The following RBFOX1 variants were observed in gnomAD, a reference collection of about 807,000 sequenced individuals.
RBFOX1 encodes the protein RNA binding fox-1 homolog 1.
Under a neutral mutation model 57.7 loss-of-function variants are expected in RBFOX1, and 8 were observed. That is an observed-to-expected ratio of 0.14 (90% CI 0.08 to 0.25). RBFOX1 has a LOEUF of 0.25. Among genes scored for constraint, RBFOX1 ranks in the 10% least tolerant of loss-of-function variants. RBFOX1 has a pLI of 1.00. For missense variants in RBFOX1, 611 were observed against 548.5 expected (o/e 1.11, Z -1.14); for synonymous variants, 326 against 222.4 (o/e 1.47, Z -4.15).
chr16:7,476,079 C>G (rs186794179), intron 4 of RBFOX1, among the ~76,000 whole-genome samples: 2 of 152,194 alleles, frequency 1.3e-5, no homozygotes, highest in Non-Finnish European at 2.9e-5. Context: ...GATCCTCCCA[C>G]CTCAGCATCC....
intron 2 of RBFOX1, among the ~76,000 whole-genome samples, chr16:6,548,590 C>T (rs1022678100): frequency 6.6e-6 from 1 of 152,102 alleles, no homozygotes; most frequent in African/African-American, 2.4e-5. Context: ...ACAAATAAAA[C>T]ACGAATAAAC....
intron 4 of RBFOX1, among the ~76,000 whole-genome samples, chr16:7,294,951 T>A (rs1300531448): frequency 6.6e-6 from 1 of 152,214 alleles, no homozygotes; most frequent in African/African-American, 2.4e-5. Flanking sequence ...GCCCTCAGTT[T>A]CTTCTTATGT....
chr16:6,963,432 G>A (rs543355492), intron 3 of RBFOX1, among the ~76,000 whole-genome samples: 1 of 152,102 alleles, frequency 6.6e-6, no homozygotes, highest in African/African-American at 2.4e-5. Context: ...TCTACCAAAT[G>A]GTTGGTGACA....
chr16:7,161,065 G>C (rs2078226702), intron 4 of RBFOX1, among the ~76,000 whole-genome samples: 1 of 151,758 alleles, frequency 6.6e-6, no homozygotes, highest in Non-Finnish European at 1.5e-5. Flanking sequence ...CAGCTACCCA[G>C]ATGACTACCT....
intron 1 of RBFOX1, among the ~76,000 whole-genome samples, chr16:5,322,693 C>T (rs1031365584): frequency 1.3e-5 from 2 of 152,172 alleles, no homozygotes; most frequent in Admixed American, 6.5e-5. Flanking sequence ...GACACCTCCC[C>T]CAGTAATCTC....
At chr16:6,185,142 C>G (rs1378506813) in intron 1 of RBFOX1, among the ~76,000 whole-genome samples, 3 of 152,132 alleles carry the variant, frequency 2.0e-5, no homozygotes, top group Admixed American at 6.5e-5. Flanking sequence ...CACCTTTAGA[C>G]AGGACCAGCT....
At chr16:6,314,424 C>T (rs1015238386) in intron 1 of RBFOX1, among the ~76,000 whole-genome samples, 1 of 152,180 alleles carries the variant, frequency 6.6e-6, no homozygotes, top group Non-Finnish European at 1.5e-5. Context: ...CCCTAAAATT[C>T]AGGCCCACTG....
chr16:5,960,072 G>A (rs1432568560), intron 4 of RBFOX1, among the ~76,000 whole-genome samples: 2 of 152,164 alleles, frequency 1.3e-5, no homozygotes, highest in Admixed American at 6.5e-5. Flanking sequence ...ATGGTGACAT[G>A]TGCCTGTAAT....
chr16:6,992,125 C>T (rs2091571547), intron 3 of RBFOX1, among the ~76,000 whole-genome samples: 1 of 152,034 alleles, frequency 6.6e-6, no homozygotes, highest in Non-Finnish European at 1.5e-5. Flanking sequence ...CTCTTCCTTT[C>T]CAGTCTGTGT....
chr16:6,248,679 G>T (rs1291940294), intron 1 of RBFOX1, among the ~76,000 whole-genome samples: 1 of 152,068 alleles, frequency 6.6e-6, no homozygotes. Flanking sequence ...GCATGTGATG[G>T]AGGGGTGATT....
At chr16:6,225,230 TTA>T (rs3064936) in intron 1 of RBFOX1, among the ~76,000 whole-genome samples, 146,385 of 151,022 alleles carry the variant, frequency 0.97, 71,071 homozygotes, top group East Asian at 1. Context: ...AGTAGGAGAG[TTA>T]TATATATATA....
At chr16:6,453,054 A>G (rs896355020) in intron 2 of RBFOX1, among the ~76,000 whole-genome samples, 2 of 152,152 alleles carry the variant, frequency 1.3e-5, no homozygotes, top group Non-Finnish European at 1.5e-5. Context: ...TTCCACAGGT[A>G]TGTATTGTAC....
chr16:6,361,628 T>TTAAAAAAAAAAAAAAAAAAAAAAA (rs1371587081), intron 2 of RBFOX1, among the ~76,000 whole-genome samples: 10 of 127,950 alleles, frequency 7.8e-5, no homozygotes, highest in African/African-American at 2.9e-4. Context: ...ACTCTGTCTC[T>TTAAAAAAAAAAAAAAAAAAAAAAA]AAAAAAAAAA....
chr16:6,269,566 T>A (rs1318634700), intron 1 of RBFOX1, among the ~76,000 whole-genome samples: 1 of 152,102 alleles, frequency 6.6e-6, no homozygotes, highest in Non-Finnish European at 1.5e-5. Flanking sequence ...AGCCACAGAG[T>A]CAAATAAGAA....
intron 3 of RBFOX1, among the ~76,000 whole-genome samples, chr16:6,716,433 T>A (rs1250419958): frequency 6.6e-6 from 1 of 152,186 alleles, no homozygotes; most frequent in African/African-American, 2.4e-5. Flanking sequence ...TTTCTTCATT[T>A]GTTGTTTTAT....
chr16:5,793,064 C>G lies in RBFOX1; in HGVS notation c.319-74239C>G, dbSNP rs1224514470. 3.3e-5 allele frequency among the ~76,000 whole-genome samples: 5 copies of G among 152,178 alleles called. No homozygotes were observed. In the East Asian group the frequency reaches 7.7e-4, roughly 23 times the overall value. On this transcript the variant is annotated intron_variant, in intron 3 of 19. Coordinates refer to the RBFOX1 transcript ENST00000641259. The stretch of plus-strand genomic sequence containing the variant: ...AACCCACGTTGTGTTGTTCAAGGGT[C>G]AAATGTACTTCCCGTTTTCCAGACC...
chr16:6,664,732 C>A (rs1311130126), intron 3 of RBFOX1, among the ~76,000 whole-genome samples: 1 of 152,190 alleles, frequency 6.6e-6, no homozygotes, highest in Non-Finnish European at 1.5e-5. Flanking sequence ...TCTGGAGATA[C>A]TCAGTTGGTG....
rs554258374 is a variant in RBFOX1 at position 5,947,158 on chromosome 16, G to A, written c.351+79823G>A. Among the ~76,000 whole-genome samples, 5 of 152,270 alleles carry A rather than the reference G, an allele frequency of 3.3e-5. No individual in the cohort carries two copies. Among genetic ancestry groups the A allele is most frequent in the South Asian group, 2.1e-4 (1 of 4,826 alleles). On this transcript the variant is annotated intron_variant, in intron 4 of 19. Transcript: ENST00000641259. The surrounding 1 kb of genome is among the most constrained non-coding windows in gnomAD (Gnocchi z 7.2). The stretch of plus-strand genomic sequence containing the variant: ...GTGAACTCAGGAGGTTGAGGTTGCA[G>A]CGAGCCGTGATTCTGCCACTGCTCT...
intron 3 of RBFOX1, among the ~76,000 whole-genome samples, chr16:6,893,842 G>A (rs909582297): frequency 6.6e-6 from 1 of 152,106 alleles, no homozygotes; most frequent in Non-Finnish European, 1.5e-5. Flanking sequence ...ATACTTCAGG[G>A]CCAATGGAAT....
Sources: gnomAD v4.1 joint callset for allele counts (sites outside exome capture counted in the v4.1 genomes callset) on GRCh38, gnomAD v4.1.1 for gene constraint, Gnocchi (gnomAD v3.1) non-coding constraint, MANE v1.5 for transcripts, NCBI Gene and HGNC (gene_info 2026-07-23, HGNC 2026-07-21) for gene names.